NALF1: variants seen among roughly 807,000 people sequenced by gnomAD.
The protein encoded by NALF1 is NALCN channel auxiliary factor 1.
NALF1 carries 3 observed loss-of-function variants against 48.4 expected under a neutral mutation model. That is an observed-to-expected ratio of 0.06 (90% CI 0.03 to 0.16). The LOEUF (loss-of-function observed/expected upper bound fraction) is 0.16. NALF1 is among the 10% of genes least tolerant of loss of function. The pLI, the probability that NALF1 is intolerant of heterozygous loss-of-function variation, is 1.00. For missense variants in NALF1, 526 were observed against 571.5 expected (o/e 0.92, Z 0.81); for synonymous variants, 262 against 245.7 (o/e 1.07, Z -0.62).
chr13:107,237,142 C>G (rs1880370008), intron 1 of NALF1, among the ~76,000 whole-genome samples: 1 of 148,630 alleles, frequency 6.7e-6, no homozygotes, highest in Middle Eastern at 3.5e-3. Flanking sequence ...TAAACACAGA[C>G]AAAATACGTA....
At position 107,575,948 on chromosome 13, in the gene NALF1, T is replaced by G. The variant is rs560001271; in HGVS notation, c.915+289734A>C. Among the ~76,000 whole-genome samples the G allele has an allele frequency of 5.9e-5, 6 of 101,054 alleles. No individual in the cohort carries two copies. In the East Asian group the frequency reaches 1.4e-3, roughly 24 times the overall value. The allele number at this position is 101,054 out of a possible 152,430, so 66.3% of individuals were successfully genotyped here. On this transcript the variant is annotated intron_variant, in intron 1 of 2. Transcript: ENST00000375915. Reference sequence around the variant, plus strand: ...TTATATGTGTGCATGTGTGTGTATGTGTATGTGTGTGTTGGGTGTGTGTGT... The same window carrying G: ...TTATATGTGTGCATGTGTGTGTATGGGTATGTGTGTGTTGGGTGTGTGTGT...
At chr13:107,209,711 T>C (rs936440958) in intron 2 of NALF1, among the ~76,000 whole-genome samples, 1 of 152,176 alleles carries the variant, frequency 6.6e-6, no homozygotes, top group Admixed American at 6.5e-5. Flanking sequence ...AAGAGCATTT[T>C]CATGTGTCTC....
chr13:107,610,646 T>A (rs1401880525), intron 1 of NALF1, among the ~76,000 whole-genome samples: 1 of 152,226 alleles, frequency 6.6e-6, no homozygotes. Flanking sequence ...TGAACATTAT[T>A]TGTATCATTA....
chr13:107,423,220 C>T (rs1884222883), intron 1 of NALF1, among the ~76,000 whole-genome samples: 1 of 152,244 alleles, frequency 6.6e-6, no homozygotes, highest in Admixed American at 6.5e-5. Flanking sequence ...TTTCTTTTTA[C>T]TGTTGACTTA....
At chr13:107,359,348 G>C (rs978476985) in intron 1 of NALF1, among the ~76,000 whole-genome samples, 1 of 151,980 alleles carries the variant, frequency 6.6e-6, no homozygotes, top group Non-Finnish European at 1.5e-5. Flanking sequence ...TGAGGTCTGA[G>C]ATACTATGGT....
At chr13:107,661,611 A>G (rs1880737018) in intron 1 of NALF1, among the ~76,000 whole-genome samples, 1 of 152,120 alleles carries the variant, frequency 6.6e-6, no homozygotes, top group Non-Finnish European at 1.5e-5. Flanking sequence ...ATGCCACATA[A>G]CCTGAGGATT....
intron 1 of NALF1, among the ~76,000 whole-genome samples, chr13:107,632,233 C>T (rs1416412293): frequency 6.6e-6 from 1 of 152,162 alleles, no homozygotes; most frequent in Non-Finnish European, 1.5e-5. Context: ...CCATATCTGT[C>T]TATCTGTCTA....
intron 1 of NALF1, among the ~76,000 whole-genome samples, chr13:107,297,420 G>T (rs1033623780): frequency 9.9e-5 from 15 of 152,112 alleles, no homozygotes; most frequent in African/African-American, 3.4e-4. Flanking sequence ...TCTCTAAAAT[G>T]AGCTATAAGA....
chr13:107,489,046 G>T (rs1013950675), intron 1 of NALF1, among the ~76,000 whole-genome samples: 1 of 151,950 alleles, frequency 6.6e-6, no homozygotes, highest in African/African-American at 2.4e-5. Context: ...AATAAAATAC[G>T]TAGGAATACA....
At chr13:107,749,496 A>G (rs897778457) in intron 1 of NALF1, among the ~76,000 whole-genome samples, 6 of 152,166 alleles carry the variant, frequency 3.9e-5, no homozygotes, top group Middle Eastern at 3.4e-3. Flanking sequence ...TTAATACTGT[A>G]TTTTATTTAA....
At chr13:107,383,998 C>A (rs1883483820) in intron 1 of NALF1, among the ~76,000 whole-genome samples, 1 of 152,124 alleles carries the variant, frequency 6.6e-6, no homozygotes, top group Admixed American at 6.5e-5. Context: ...CCTGTAACCC[C>A]AGCACTTTGG....
intron 1 of NALF1, among the ~76,000 whole-genome samples, chr13:107,670,835 G>T (rs1177213187): frequency 6.6e-6 from 1 of 152,138 alleles, no homozygotes; most frequent in African/African-American, 2.4e-5. Flanking sequence ...AATACCCAGT[G>T]CTGGTAGAGT....
At chr13:107,380,594 G>C (rs1301550220) in intron 1 of NALF1, among the ~76,000 whole-genome samples, 1 of 152,132 alleles carries the variant, frequency 6.6e-6, no homozygotes, top group Admixed American at 6.5e-5. Flanking sequence ...TCTTGAGAAG[G>C]TATATTCCAG....
chr13:107,675,888 G>T (rs1239115274), intron 1 of NALF1, among the ~76,000 whole-genome samples: 1 of 152,134 alleles, frequency 6.6e-6, no homozygotes, highest in African/African-American at 2.4e-5. Context: ...GGCTCCAATT[G>T]AAGGTATGGA....
chr13:107,595,815 C>G (rs1041264536), intron 1 of NALF1, among the ~76,000 whole-genome samples: 3 of 152,236 alleles, frequency 2.0e-5, no homozygotes, highest in African/African-American at 7.2e-5. Context: ...AGAAAGAGTT[C>G]AAGCGTCCTG....
intron 1 of NALF1, among the ~76,000 whole-genome samples, chr13:107,678,658 C>T (rs1881194989): frequency 6.6e-6 from 1 of 152,154 alleles, no homozygotes; most frequent in Non-Finnish European, 1.5e-5. Context: ...TTCAGTGTGG[C>T]TGGGGAGAAC....
intron 1 of NALF1, among the ~76,000 whole-genome samples, chr13:107,500,428 G>A (rs1401223047): frequency 6.6e-6 from 1 of 151,800 alleles, no homozygotes; most frequent in East Asian, 1.9e-4. Flanking sequence ...CAGTTAGAAT[G>A]GCAATCATTA....
At chr13:107,270,105 G>C (rs1277962711) in intron 1 of NALF1, among the ~76,000 whole-genome samples, 1 of 151,726 alleles carries the variant, frequency 6.6e-6, no homozygotes, top group Non-Finnish European at 1.5e-5. Flanking sequence ...TTTCAATTGT[G>C]AATGATGCAG....
chr13:107,639,334 A>T (rs1156964428), intron 1 of NALF1, among the ~76,000 whole-genome samples: 1 of 152,012 alleles, frequency 6.6e-6, no homozygotes, highest in Non-Finnish European at 1.5e-5. Flanking sequence ...CGCATCTCTC[A>T]ACAAACTCAC....
Sources: gnomAD v4.1 joint callset for allele counts (sites outside exome capture counted in the v4.1 genomes callset) on GRCh38, gnomAD v4.1.1 for gene constraint, MANE v1.5 for transcripts, NCBI Gene and HGNC (gene_info 2026-07-23, HGNC 2026-07-21) for gene names.